Variants in TTC39B observed in about 807,000 individuals in gnomAD.
The protein encoded by TTC39B is tetratricopeptide repeat domain 39B.
Under a neutral mutation model 96.6 loss-of-function variants are expected in TTC39B, and 92 were observed. The ratio of observed to expected loss-of-function variants is 0.95; its 90% CI spans 0.80 to 1.13. The LOEUF is 1.13. Among genes scored for constraint, TTC39B ranks in the 50% most tolerant of loss-of-function variants. The pLI is 0.00. For synonymous variants in TTC39B, 367 were observed against 299.4 expected (o/e 1.23, Z -2.33); for missense variants, 955 against 809.3 (o/e 1.18, Z -2.18).
intron 2 of TTC39B, among the ~76,000 whole-genome samples, chr9:15,229,093 C>G (rs1355731835): frequency 6.6e-6 from 1 of 152,138 alleles, no homozygotes; most frequent in Non-Finnish European, 1.5e-5. Context: ...AAAGTACTGT[C>G]TAGTGTTTTA....
chr9:15,250,344 C>T (rs971862645), intron 2 of TTC39B: 2 of 428,570 alleles, frequency 4.7e-6, no homozygotes, highest in African/African-American at 4.3e-5. Context: ...TTTATAAAAA[C>T]CACAGAATAT....
intron 2 of TTC39B, among the ~76,000 whole-genome samples, chr9:15,239,488 C>G (rs924472182): frequency 3.3e-5 from 5 of 152,184 alleles, no homozygotes; most frequent in African/African-American, 9.6e-5. Context: ...CAGTACTATT[C>G]ACAATAGCAA....
chr9:15,207,760 C>A (rs931273499), intron 6 of TTC39B, among the ~76,000 whole-genome samples: 1 of 151,394 alleles, frequency 6.6e-6, no homozygotes, highest in Non-Finnish European at 1.5e-5. Flanking sequence ...CTGAGGCGGG[C>A]GGATCACAAG....
At chr9:15,192,607 T>A (rs1291457770) in exon 9 of TTC39B, 3 of 1,614,000 alleles carry the variant, frequency 1.9e-6, no homozygotes, top group Non-Finnish European at 2.5e-6. Flanking sequence ...AAGGCCCCAC[T>A]GCCAAGCTTG....
intron 15 of TTC39B, among the ~76,000 whole-genome samples, chr9:15,186,270 T>C (rs1214937042): frequency 6.6e-6 from 1 of 152,244 alleles, no homozygotes; most frequent in Non-Finnish European, 1.5e-5. Context: ...TCATCATTTT[T>C]GTTCATTACC....
intron 6 of TTC39B, among the ~76,000 whole-genome samples, chr9:15,204,681 C>T (rs1227009261): frequency 6.6e-6 from 1 of 152,144 alleles, no homozygotes; most frequent in African/African-American, 2.4e-5. Flanking sequence ...CAGCAATTCT[C>T]TAGAGCTCGG....
Position 15,169,802 on chromosome 9 carries a change from A to G in TTC39B, c.*2217T>C, listed in dbSNP as rs1467941775. The G allele has an allele frequency of 3.9e-5, 6 of 152,200 alleles. No individual in the cohort carries two copies. In the South Asian group the frequency reaches 1.0e-3, roughly 26 times the overall value. The allele number at this position is 152,200 out of a possible 1,614,324, so 9.4% of individuals were successfully genotyped here. ...AAAAAAGATTTTTAAATGGAGATGA[A>G]TTTCTTTTATATTTGTTTAGTAATG... On this transcript the variant is annotated 3_prime_UTR_variant, in exon 20 of 20. Transcript: ENST00000512701.
rs770409139 is a variant in TTC39B, at chr9:15,185,329, C to T, written c.1565G>A (p.Arg522His). 41 of 1,613,676 alleles carry T rather than the reference C, an allele frequency of 2.5e-5. No individual in the cohort carries two copies. The highest frequency in any genetic ancestry group is 1.6e-4 in the Middle Eastern group (1 of 6,078). ...AGGTGCAGGTAAGGAGGCGGAGTAACGCCGAGCCTTCCTCACAGCAAACTT... is the reference window on the plus strand; with the variant it reads ...AGGTGCAGGTAAGGAGGCGGAGTAATGCCGAGCCTTCCTCACAGCAAACTT... The change falls in exon 16 of 20, where the codon CGT becomes CAT. Residue 522 changes from arginine to histidine, a missense_variant. Physicochemically the swap from Arg to His is conservative, Grantham distance 29. Transcript: ENST00000512701.
chr9:15,251,700 C>CATACATAT (rs1554624735), intron 2 of TTC39B, among the ~76,000 whole-genome samples: 8 of 98,338 alleles, frequency 8.1e-5, no homozygotes, highest in African/African-American at 2.5e-4. Context: ...CATACATATA[C>CATACATAT]ATATATATAT....
At chr9:15,213,240 G>A (rs975516530) in intron 4 of TTC39B, among the ~76,000 whole-genome samples, 5 of 152,010 alleles carry the variant, frequency 3.3e-5, no homozygotes, top group African/African-American at 9.7e-5. Context: ...GGACAGAGGA[G>A]GACAGAAGGA....
At chr9:15,247,049 A>G (rs942155454) in intron 2 of TTC39B, among the ~76,000 whole-genome samples, 2 of 152,252 alleles carry the variant, frequency 1.3e-5, no homozygotes, top group Non-Finnish European at 2.9e-5. Context: ...AGACAAAACT[A>G]GAAATAGTGT....
intron 17 of TTC39B, among the ~76,000 whole-genome samples, chr9:15,180,938 T>C (rs1818217445): frequency 6.6e-6 from 1 of 152,220 alleles, no homozygotes; most frequent in Non-Finnish European, 1.5e-5. Flanking sequence ...GGCATGTCTG[T>C]CTGTCTGTCT....
At chr9:15,231,171 G>A (rs954288281) in intron 2 of TTC39B, among the ~76,000 whole-genome samples, 5 of 152,028 alleles carry the variant, frequency 3.3e-5, no homozygotes, top group Admixed American at 6.6e-5. Flanking sequence ...TGATTTTTCC[G>A]ATTTTTTTAA....
intron 18 of TTC39B, among the ~76,000 whole-genome samples, chr9:15,176,661 C>A (rs1387678220): frequency 6.6e-6 from 1 of 152,022 alleles, no homozygotes; most frequent in South Asian, 2.1e-4. Flanking sequence ...CCAGGCTTCT[C>A]GTGAAAAATG....
At chr9:15,234,506 G>A (rs555348322) in intron 2 of TTC39B, among the ~76,000 whole-genome samples, 160 of 152,094 alleles carry the variant, frequency 1.1e-3, no homozygotes, top group Non-Finnish European at 1.8e-3. Flanking sequence ...CCTCTGCCTG[G>A]CCACCACCCC....
intron 1 of TTC39B, among the ~76,000 whole-genome samples, chr9:15,278,102 T>C (rs551893908): frequency 6.6e-6 from 1 of 152,354 alleles, no homozygotes; most frequent in African/African-American, 2.4e-5. Flanking sequence ...TTATCGGTTA[T>C]TTAATTTATG....
At chr9:15,227,701 C>A (rs966124516) in intron 2 of TTC39B, among the ~76,000 whole-genome samples, 1 of 152,160 alleles carries the variant, frequency 6.6e-6, no homozygotes, top group Non-Finnish European at 1.5e-5. Context: ...GGCTATCTAC[C>A]CATTTGGACC....
chr9:15,202,405 A>G (rs527823813), intron 7 of TTC39B, among the ~76,000 whole-genome samples: 3 of 152,280 alleles, frequency 2.0e-5, no homozygotes, highest in East Asian at 3.9e-4. Context: ...GAAAGAAGCA[A>G]CTGTCAAATA....
At chr9:15,267,790 C>T in intron 2 of TTC39B, 124 bp downstream of exon 2, 1 of 749,840 alleles carries the variant, frequency 1.3e-6, no homozygotes, top group South Asian at 1.8e-5. Flanking sequence ...AGAAAAGTGA[C>T]TTTTTTTTTC....
Sources: gnomAD v4.1 joint callset for allele counts (sites outside exome capture counted in the v4.1 genomes callset) on GRCh38, gnomAD v4.1.1 for gene constraint, MANE v1.5 for transcripts, NCBI Gene and HGNC (gene_info 2026-07-23, HGNC 2026-07-21) for gene names.